ATE1: variants seen among roughly 807,000 people sequenced by gnomAD.
ATE1 encodes the protein arginyltransferase 1.
Under a neutral mutation model 70.5 loss-of-function variants are expected in ATE1, and 36 were observed. The ratio of observed to expected loss-of-function variants is 0.51; its 90% CI spans 0.39 to 0.67. ATE1 has a LOEUF of 0.67. ATE1 is among the 30% of genes least tolerant of loss of function. The pLI is 0.00. For synonymous variants in ATE1, 232 were observed against 219.3 expected (o/e 1.06, Z -0.51); for missense variants, 593 against 629.5 (o/e 0.94, Z 0.62).
intron 7 of ATE1, among the ~76,000 whole-genome samples, chr10:121,892,564 T>C (rs1590647944): frequency 6.7e-6 from 1 of 149,496 alleles, no homozygotes; most frequent in Non-Finnish European, 1.5e-5. Flanking sequence ...TGGAGCGCAA[T>C]GGCACCATCT....
chr10:121,799,023 C>T (rs1168115113), intron 10 of ATE1, among the ~76,000 whole-genome samples: 1 of 151,960 alleles, frequency 6.6e-6, no homozygotes, highest in Non-Finnish European at 1.5e-5. Context: ...CATTTCCTGC[C>T]TAAACCTTAA....
chr10:121,802,056 G>A (rs1946903138), intron 10 of ATE1, among the ~76,000 whole-genome samples: 1 of 151,956 alleles, frequency 6.6e-6, no homozygotes, highest in Non-Finnish European at 1.5e-5. Context: ...AATCCCAATA[G>A]AATCTGTGTT....
intron 8 of ATE1, among the ~76,000 whole-genome samples, chr10:121,868,344 T>C (rs190152217): frequency 3.3e-5 from 5 of 152,320 alleles, no homozygotes; most frequent in Non-Finnish European, 7.4e-5. Flanking sequence ...TCATACTTTA[T>C]CCAAGTTACC....
chr10:121,766,569 G>A (rs1158018224), intron 11 of ATE1, among the ~76,000 whole-genome samples: 1 of 151,936 alleles, frequency 6.6e-6, no homozygotes, highest in Non-Finnish European at 1.5e-5. Context: ...TGAAAAAGTT[G>A]GCAACTCTGA....
intron 8 of ATE1, among the ~76,000 whole-genome samples, chr10:121,852,247 T>C (rs939479521): frequency 6.6e-6 from 1 of 152,218 alleles, no homozygotes; most frequent in African/African-American, 2.4e-5. Flanking sequence ...TCCCACATTG[T>C]ACCTGTACAA....
chr10:121,918,206 G>A (rs907647964), intron 3 of ATE1, among the ~76,000 whole-genome samples: 10 of 151,982 alleles, frequency 6.6e-5, no homozygotes, highest in Admixed American at 2.0e-4. Flanking sequence ...GGTGGCATGC[G>A]CCTGTAGTCC....
intron 7 of ATE1, among the ~76,000 whole-genome samples, chr10:121,872,038 G>A (rs1232368755): frequency 1.3e-5 from 2 of 152,152 alleles, no homozygotes; most frequent in African/African-American, 4.8e-5. Flanking sequence ...AGAAAAATGA[G>A]GCATGGTAAA....
intron 3 of ATE1, among the ~76,000 whole-genome samples, chr10:121,914,323 C>T (rs1314881475): frequency 6.6e-6 from 1 of 152,034 alleles, no homozygotes; most frequent in African/African-American, 2.4e-5. Context: ...CCTCGGCCTC[C>T]CAAAATGCTG....
At chr10:121,887,526 A>C (rs1018819884) in intron 7 of ATE1, among the ~76,000 whole-genome samples, 1 of 108,758 alleles carries the variant, frequency 9.2e-6, no homozygotes, top group Non-Finnish European at 1.9e-5. Flanking sequence ...CAACACAGCA[A>C]GACGCCCCCC....
intron 10 of ATE1, among the ~76,000 whole-genome samples, chr10:121,805,258 CA>C (rs2133410705): frequency 6.6e-6 from 1 of 152,182 alleles, no homozygotes; most frequent in Admixed American, 6.5e-5. Flanking sequence ...AAATAATAAA[CA>C]AACGTTTAAT....
intron 11 of ATE1, among the ~76,000 whole-genome samples, chr10:121,749,231 T>G (rs1167390521): frequency 6.6e-6 from 1 of 152,184 alleles, no homozygotes; most frequent in African/African-American, 2.4e-5. Context: ...AGTACTCAGG[T>G]AAGATTTTAT....
At chr10:121,896,519 C>T (rs1950785988) in intron 7 of ATE1, among the ~76,000 whole-genome samples, 1 of 152,132 alleles carries the variant, frequency 6.6e-6, no homozygotes, top group Non-Finnish European at 1.5e-5. Flanking sequence ...CAAAAAGCCT[C>T]ATCCCTTGGT....
chr10:121,777,901 T>G (rs1231276461), intron 11 of ATE1, among the ~76,000 whole-genome samples: 1 of 152,196 alleles, frequency 6.6e-6, no homozygotes, highest in Non-Finnish European at 1.5e-5. Flanking sequence ...TTAAAGAAAT[T>G]TAATCAGGAT....
At chr10:121,832,538 C>A (rs1948280343) in intron 10 of ATE1, among the ~76,000 whole-genome samples, 1 of 152,082 alleles carries the variant, frequency 6.6e-6, no homozygotes, top group African/African-American at 2.4e-5. Flanking sequence ...GGTGGTTCCC[C>A]CCATAATGTT....
intron 11 of ATE1, among the ~76,000 whole-genome samples, chr10:121,749,985 C>T (rs377638118): frequency 4.6e-5 from 7 of 152,280 alleles, no homozygotes; most frequent in African/African-American, 1.2e-4. Flanking sequence ...TGTGGTCTTA[C>T]ACTCACTTAG....
At chr10:121,846,920 A>G (rs1035489613) in intron 8 of ATE1, among the ~76,000 whole-genome samples, 3 of 152,186 alleles carry the variant, frequency 2.0e-5, no homozygotes, top group African/African-American at 7.2e-5. Flanking sequence ...AGAAGCACTA[A>G]CCAAAAGAAA....
intron 5 of ATE1, 84 bp downstream of exon 5, chr10:121,910,822 G>A: frequency 1.9e-6 from 3 of 1,569,282 alleles, no homozygotes; most frequent in South Asian, 1.2e-5. Context: ...TCATCCTTTT[G>A]GCTGATGGAA....
At chr10:121,786,176 T>C (rs911008394) in intron 11 of ATE1, among the ~76,000 whole-genome samples, 2 of 149,866 alleles carry the variant, frequency 1.3e-5, no homozygotes, top group Non-Finnish European at 3.0e-5. Flanking sequence ...AGGATAGTGC[T>C]TGGGAAACAG....
intron 7 of ATE1, among the ~76,000 whole-genome samples, chr10:121,874,606 G>T (rs180752614): frequency 1.6e-3 from 243 of 152,236 alleles, no homozygotes; most frequent in Non-Finnish European, 2.7e-3. Context: ...TTTTTTTATA[G>T]CTATTCTCTA....
Sources: allele counts gnomAD v4.1 joint callset (sites outside exome capture counted in the v4.1 genomes callset), GRCh38; gene constraint gnomAD v4.1.1; transcripts MANE v1.5; gene names NCBI Gene and HGNC (gene_info 2026-07-23, HGNC 2026-07-21).